Variants in MALRD1 observed in about 807,000 individuals in gnomAD.
The protein encoded by MALRD1 is MAM and LDL-receptor class A domain-containing protein 1.
A neutral mutation model predicts 242.1 loss-of-function variants in MALRD1; 247 were observed. The ratio of observed to expected loss-of-function variants is 1.02; its 90% CI spans 0.92 to 1.13. The LOEUF (loss-of-function observed/expected upper bound fraction) is 1.13, where lower values mean the gene tolerates loss of function less well. Among genes scored for constraint, MALRD1 ranks in the 50% most tolerant of loss-of-function variants. MALRD1 has a pLI of 0.00. For missense variants in MALRD1, 2,989 were observed against 2,533.1 expected, an observed-to-expected ratio of 1.18 and a Z score of -3.86; for synonymous variants, 995 against 866.6, an observed-to-expected ratio of 1.15 and a Z score of -2.60.
At chr10:19,324,582 C>T (rs574773055) in intron 22 of MALRD1, among the ~76,000 whole-genome samples, 7 of 142,794 alleles carry the variant, frequency 4.9e-5, no homozygotes, top group Middle Eastern at 3.5e-3. Context: ...CCAATATACA[C>T]TTCACTCAGA....
intron 1 of MALRD1, among the ~76,000 whole-genome samples, chr10:19,053,374 A>G (rs574005157): frequency 8.0e-4 from 122 of 152,320 alleles, no homozygotes; most frequent in Middle Eastern, 3.4e-3. Flanking sequence ...GAACAAAAAG[A>G]AACTTGAATC....
chr10:19,362,636 C>T (rs745668815), intron 26 of MALRD1, among the ~76,000 whole-genome samples: 5 of 151,952 alleles, frequency 3.3e-5, no homozygotes, highest in Non-Finnish European at 5.9e-5. Flanking sequence ...GATAGGAGGT[C>T]AGAGAGGAGA....
Position 19,718,893 on chromosome 10 carries a change from A to G in MALRD1, c.6315-11813A>G, listed in dbSNP as rs1390269533. On this transcript the variant is annotated intron_variant, in intron 38 of 39. Coordinates refer to ENST00000454679, the MANE Select transcript of MALRD1 (RefSeq NM_001142308.3). ...TTTAAAATGTGCTGTTAGGCCAGGC[A>G]TGGTGGCTCATGCCTTTAATCCCAG... Among the ~76,000 whole-genome samples, 4 of 151,920 alleles carry G rather than the reference A, an allele frequency of 2.6e-5. 1 individual carries two copies. The East Asian group carries it at 7.8e-4, about 30-fold the overall frequency.
At chr10:19,123,908 C>T (rs887889151) in intron 6 of MALRD1, among the ~76,000 whole-genome samples, 1 of 151,820 alleles carries the variant, frequency 6.6e-6, no homozygotes, top group Non-Finnish European at 1.5e-5. Flanking sequence ...AATATAAAGC[C>T]ATTTTAAAAA....
chr10:19,532,014 G>T (rs1313926491), intron 32 of MALRD1, among the ~76,000 whole-genome samples: 8 of 152,012 alleles, frequency 5.3e-5, no homozygotes, highest in Non-Finnish European at 1.5e-5. Flanking sequence ...ATACAATTGG[G>T]ATTTTTGTCT....
chr10:19,620,599 C>T (rs1252162665), intron 36 of MALRD1, among the ~76,000 whole-genome samples: 1 of 151,736 alleles, frequency 6.6e-6, no homozygotes, highest in East Asian at 1.9e-4. Flanking sequence ...ATTAAAGGGA[C>T]TATGAAATTT....
At chr10:19,667,712 G>A (rs1841735956) in intron 36 of MALRD1, among the ~76,000 whole-genome samples, 1 of 152,082 alleles carries the variant, frequency 6.6e-6, no homozygotes, top group Non-Finnish European at 1.5e-5. Flanking sequence ...GGCTTCACCA[G>A]AAGCTGAGCA....
In MALRD1 at chr10:19,064,807, G is replaced by A. The variant is rs141096118; in HGVS notation, c.200-1912G>A. On this transcript the variant is annotated intron_variant, in intron 1 of 39. Coordinates refer to ENST00000454679, the MANE Select transcript of MALRD1 (RefSeq NM_001142308.3). ...AAAAAAAAAATTGAGAGGTGAGCTGGTGCTGTTAAACATCCATCTTTTATT... is the reference window on the plus strand; with the variant it reads ...AAAAAAAAAATTGAGAGGTGAGCTGATGCTGTTAAACATCCATCTTTTATT... Among the ~76,000 whole-genome samples, 34 of 151,114 alleles carry A rather than the reference G, an allele frequency of 2.2e-4. No homozygotes were observed. The East Asian group carries it at 5.5e-3, about 24-fold the overall frequency.
intron 28 of MALRD1, among the ~76,000 whole-genome samples, chr10:19,428,162 G>A (rs10763995): frequency 0.41 from 62,188 of 151,226 alleles, 13,229 homozygotes; most frequent in African/African-American, 0.5. Context: ...GCTTTGGGAG[G>A]TGAGGCGTTG....
rs1340615836 is a variant in MALRD1, at chr10:19,387,620, A to G, written c.4534A>G (p.Thr1512Ala). The change falls in exon 27 of 40, where the codon ACT becomes GCT. Residue 1512 changes from threonine (T) to alanine (A), a missense_variant. By Grantham distance (58) the Thr-to-Ala change is moderately conservative (BLOSUM62 0). Coordinates refer to ENST00000454679, the MANE Select transcript of MALRD1 (RefSeq NM_001142308.3). ...CTTCGTAGATAACTGTGGAGATAATACTGATGAAAATGAGTGTGGTAGCTC... is the reference window on the plus strand; with the variant it reads ...CTTCGTAGATAACTGTGGAGATAATGCTGATGAAAATGAGTGTGGTAGCTC... ...CNFVDNCGDNTDENECGSSCT... is the reference protein window; with the variant it reads ...CNFVDNCGDNADENECGSSCT... 6.5e-7 allele frequency: 1 copy of G among 1,550,292 alleles called. No individual in the cohort carries two copies. Among genetic ancestry groups the G allele is most frequent in the African/African-American group, 1.4e-5 (1 of 73,022 alleles).
At chr10:19,544,542 G>A (rs534241207) in intron 32 of MALRD1, among the ~76,000 whole-genome samples, 11 of 151,096 alleles carry the variant, frequency 7.3e-5, no homozygotes, top group Non-Finnish European at 1.6e-4. Flanking sequence ...CTTATTCCCA[G>A]TGTTTATAAG....
intron 36 of MALRD1, among the ~76,000 whole-genome samples, chr10:19,672,202 G>T (rs1841952270): frequency 1.3e-5 from 2 of 151,944 alleles, no homozygotes; most frequent in South Asian, 2.1e-4. Flanking sequence ...AGGGTGTGAA[G>T]ATTTCAGAGA....
At chr10:19,355,636 C>G (rs958497227) in intron 26 of MALRD1, among the ~76,000 whole-genome samples, 1 of 150,736 alleles carries the variant, frequency 6.6e-6, no homozygotes, top group South Asian at 2.1e-4. Flanking sequence ...AATAAAAATG[C>G]ATGTGGAGTT....
intron 36 of MALRD1, among the ~76,000 whole-genome samples, chr10:19,671,113 G>A (rs770950932): frequency 6.6e-6 from 1 of 151,766 alleles, no homozygotes; most frequent in African/African-American, 2.4e-5. Context: ...ATAAGACAAT[G>A]ATTTTCTAAA....
chr10:19,193,497 T>C (rs1230453081), intron 14 of MALRD1, among the ~76,000 whole-genome samples: 3 of 152,126 alleles, frequency 2.0e-5, no homozygotes, highest in Non-Finnish European at 2.9e-5. Context: ...TGAGGCTGCA[T>C]TGAGCCGTGA....
At chr10:19,119,339 A>C (rs1836981865) in intron 5 of MALRD1, among the ~76,000 whole-genome samples, 1 of 152,030 alleles carries the variant, frequency 6.6e-6, no homozygotes, top group South Asian at 2.1e-4. Flanking sequence ...TCAAGATGGG[A>C]ATTGCAATAG....
chr10:19,221,540 AC>A (rs2131665822), intron 18 of MALRD1, among the ~76,000 whole-genome samples: 1 of 152,206 alleles, frequency 6.6e-6, no homozygotes, highest in Admixed American at 6.6e-5. Flanking sequence ...TTATTATGTC[AC>A]CTGTTCGTCA....
chr10:19,650,934 T>A (rs899598640), intron 36 of MALRD1, among the ~76,000 whole-genome samples: 2 of 152,182 alleles, frequency 1.3e-5, no homozygotes, highest in Admixed American at 1.3e-4. Context: ...GAGAGTGTAC[T>A]GCAAATTAGA....
chr10:19,168,478 G>T (rs1834792241), intron 13 of MALRD1, among the ~76,000 whole-genome samples: 1 of 152,180 alleles, frequency 6.6e-6, no homozygotes, highest in Non-Finnish European at 1.5e-5. Flanking sequence ...AAGTAATTTA[G>T]AAATATGAGT....
Sources: allele counts gnomAD v4.1 joint callset (sites outside exome capture counted in the v4.1 genomes callset), GRCh38; gene constraint gnomAD v4.1.1; transcripts MANE v1.5; gene names NCBI Gene and HGNC (gene_info 2026-07-23, HGNC 2026-07-21).